The following TASP1 variants were observed in gnomAD, a reference collection of about 807,000 sequenced individuals.
The protein encoded by TASP1 is threonine aspartase 1.
Under a neutral mutation model 56.6 loss-of-function variants are expected in TASP1, and 16 were observed. The observed-to-expected ratio is 0.28, with a 90% CI of 0.19 to 0.43. TASP1 has a LOEUF of 0.43. Ranked by LOEUF, TASP1 falls within the 20% of genes least tolerant of loss-of-function variation. The pLI is 1.00. For synonymous variants in TASP1, 179 were observed against 184.2 expected, an observed-to-expected ratio of 0.97 and a Z score of 0.23; for missense variants, 393 against 511.6, an observed-to-expected ratio of 0.77 and a Z score of 2.24.
chr20:13,196,124 A>G, the TASP1 span, among the ~76,000 whole-genome samples: 12 of 152,310 alleles, frequency 7.9e-5, no homozygotes, highest in African/African-American at 2.6e-4. Context: ...TCACTTAGCC[A>G]TTATCTTTTT....
intron 8 of TASP1, among the ~76,000 whole-genome samples, chr20:13,544,559 A>G (rs1415472486): frequency 6.6e-6 from 1 of 152,230 alleles, no homozygotes; most frequent in Admixed American, 6.5e-5. Context: ...CTACTAACAT[A>G]CCGACTAATA....
chr20:13,171,926 G>T, the TASP1 span, among the ~76,000 whole-genome samples: 1 of 151,998 alleles, frequency 6.6e-6, no homozygotes, highest in African/African-American at 2.4e-5. Context: ...AACAAGAATA[G>T]GCTGATATGT....
chr20:13,317,521 A>T, the TASP1 span, among the ~76,000 whole-genome samples: 1 of 152,214 alleles, frequency 6.6e-6, no homozygotes, highest in Non-Finnish European at 1.5e-5. Context: ...TAAACGACTC[A>T]TACTACCTGA....
chr20:13,589,861 T>C (rs1401459999), intron 4 of TASP1, among the ~76,000 whole-genome samples: 1 of 152,234 alleles, frequency 6.6e-6, no homozygotes, highest in Non-Finnish European at 1.5e-5. Flanking sequence ...AAGATGTTCA[T>C]GCCATTGTAC....
At chr20:13,575,962 A>G (rs1399917507) in intron 6 of TASP1, among the ~76,000 whole-genome samples, 1 of 152,112 alleles carries the variant, frequency 6.6e-6, no homozygotes, top group Non-Finnish European at 1.5e-5. Flanking sequence ...CTGTAATCCC[A>G]GCACTGTGGG....
At chr20:13,267,783 A>G in the TASP1 span, among the ~76,000 whole-genome samples, 1 of 152,224 alleles carries the variant, frequency 6.6e-6, no homozygotes, top group African/African-American at 2.4e-5. Flanking sequence ...AGAGTACTCC[A>G]TTCACAGGGG....
intron 11 of TASP1, among the ~76,000 whole-genome samples, chr20:13,460,691 T>G (rs1342725234): frequency 6.6e-6 from 1 of 152,086 alleles, no homozygotes; most frequent in Non-Finnish European, 1.5e-5. Flanking sequence ...TCATCGTGAC[T>G]CTTCTCTTTA....
chr20:13,571,071 G>C (rs1382608649), intron 6 of TASP1, among the ~76,000 whole-genome samples: 1 of 152,018 alleles, frequency 6.6e-6, no homozygotes, highest in Non-Finnish European at 1.5e-5. Context: ...AATATTCTTA[G>C]CTTTATTTTA....
chr20:13,405,372 T>C (rs896141559), intron 13 of TASP1, among the ~76,000 whole-genome samples: 2 of 152,166 alleles, frequency 1.3e-5, no homozygotes, highest in Non-Finnish European at 2.9e-5. Flanking sequence ...TCCATTTAAA[T>C]TTCCTCTTTC....
chr20:13,125,688 G>A, the TASP1 span, among the ~76,000 whole-genome samples: 1 of 152,186 alleles, frequency 6.6e-6, no homozygotes, highest in South Asian at 2.1e-4. Context: ...TGTTCCACAT[G>A]GTTGTCATCC....
At chr20:13,181,178 C>A in the TASP1 span, among the ~76,000 whole-genome samples, 1 of 152,240 alleles carries the variant, frequency 6.6e-6, no homozygotes, top group African/African-American at 2.4e-5. Context: ...GCCATTGGAA[C>A]TGGCAGATAA....
the TASP1 span, among the ~76,000 whole-genome samples, chr20:13,325,619 C>T: frequency 3.7e-4 from 56 of 152,288 alleles, no homozygotes; most frequent in African/African-American, 1.2e-3. Flanking sequence ...CTTCGGAAGA[C>T]GAAATTCCTT....
chr20:13,546,805 C>T (rs2045824961), intron 8 of TASP1, among the ~76,000 whole-genome samples: 2 of 152,164 alleles, frequency 1.3e-5, no homozygotes, highest in South Asian at 4.1e-4. Context: ...TTTCAACATT[C>T]ATTTCCCTCC....
chr20:13,175,075 C>T, the TASP1 span, among the ~76,000 whole-genome samples: 1 of 152,176 alleles, frequency 6.6e-6, no homozygotes, highest in Non-Finnish European at 1.5e-5. Context: ...AACTGTGAGT[C>T]AATTATACTC....
chr20:13,473,987 C>G (rs2044623382), intron 11 of TASP1, among the ~76,000 whole-genome samples: 1 of 152,054 alleles, frequency 6.6e-6, no homozygotes, highest in African/African-American at 2.4e-5. Context: ...GGCGCAAGGA[C>G]CGCTAGAGCC....
the TASP1 span, among the ~76,000 whole-genome samples, chr20:13,362,808 A>AATATATATATATATATATATATTAT: frequency 1.7e-5 from 2 of 114,776 alleles, no homozygotes; most frequent in African/African-American, 6.3e-5. Context: ...AATAGCAAGA[A>AATATATATATATATATATATATTAT]ATATATATAT....
the TASP1 span, among the ~76,000 whole-genome samples, chr20:13,184,896 T>C: frequency 1.3e-5 from 2 of 152,146 alleles, no homozygotes; most frequent in Non-Finnish European, 2.9e-5. Context: ...AATAAATGCT[T>C]ACTGTTATAA....
At chr20:13,199,809 G>A in the TASP1 span, among the ~76,000 whole-genome samples, 1 of 152,298 alleles carries the variant, frequency 6.6e-6, no homozygotes, top group East Asian at 1.9e-4. Flanking sequence ...GGGATTTACA[G>A]GTCAAGTCAT....
the TASP1 span, among the ~76,000 whole-genome samples, chr20:13,285,587 G>A: frequency 1.3e-5 from 2 of 152,140 alleles, no homozygotes; most frequent in Non-Finnish European, 2.9e-5. Context: ...CGGAATGCAC[G>A]GGCACTTTGT....
Sources: gnomAD v4.1 joint callset for allele counts (sites outside exome capture counted in the v4.1 genomes callset) on GRCh38, gnomAD v4.1.1 for gene constraint, MANE v1.5 for transcripts, NCBI Gene and HGNC (gene_info 2026-07-23, HGNC 2026-07-21) for gene names.